SH2D3C: variants seen among roughly 807,000 people sequenced by gnomAD.
The protein encoded by SH2D3C is SH2 domain containing 3C.
A neutral mutation model predicts 75.2 loss-of-function variants in SH2D3C; 25 were observed. The ratio of observed to expected loss-of-function variants is 0.33; its 90% CI spans 0.24 to 0.46. SH2D3C has a LOEUF of 0.46. SH2D3C is among the 20% of genes least tolerant of loss of function. The pLI, the probability that SH2D3C is intolerant of heterozygous loss-of-function variation, is 1.00. For missense variants in SH2D3C, 933 were observed against 1,165.3 expected, an observed-to-expected ratio of 0.80 and a Z score of 2.90; for synonymous variants, 450 against 473.7, an observed-to-expected ratio of 0.95 and a Z score of 0.65.
chr9:127,768,998 T>A (rs1845685966), intron 2 of SH2D3C, among the ~76,000 whole-genome samples: 1 of 152,206 alleles, frequency 6.6e-6, no homozygotes, highest in South Asian at 2.1e-4. Flanking sequence ...CACCAGCCAC[T>A]CCCCACTTTC....
chr9:127,769,191 G>A (rs754189460), intron 2 of SH2D3C, among the ~76,000 whole-genome samples: 18 of 152,280 alleles, frequency 1.2e-4, no homozygotes, highest in Non-Finnish European at 2.2e-4. Context: ...CAGTGTCTGA[G>A]GCATAGCTGT....
chr9:127,738,667 TTGGG>T lies in SH2D3C; in HGVS notation c.*75_*78del. On this transcript the variant is annotated 3_prime_UTR_variant, in exon 12 of 12. Coordinates refer to ENST00000314830, the MANE Select transcript of SH2D3C (RefSeq NM_170600.3). This position sits in a 1 kb window ranked among gnomAD's most constrained non-coding sequence, Gnocchi z 5.0. ...CATTCTCGGGTTGATCACAGTGTCC[TTGGG>T]GTGCTCTGGGGAAAGTTGTGTGCCC... 1 of 1,417,442 alleles carries T rather than the reference TTGGG, an allele frequency of 7.1e-7. No homozygotes were observed. Among genetic ancestry groups the T allele is most frequent in the Non-Finnish European group, 9.4e-7 (1 of 1,058,524 alleles). 87.8% of individuals were successfully genotyped at this position (1,417,442 alleles called of 1,614,324 possible).
chr9:127,772,229 G>A (rs1375506226), intron 2 of SH2D3C, among the ~76,000 whole-genome samples: 1 of 147,862 alleles, frequency 6.8e-6, no homozygotes, highest in Non-Finnish European at 1.5e-5. Context: ...AATTACTTTT[G>A]CTCAGGTGGC....
Position 127,745,635 on chromosome 9 carries a change from C to T in SH2D3C, c.1265-536G>A, listed in dbSNP as rs368589559. ...TACAGTCATGTGCCACAACGCCTGG[C>T]TAACTTTTTTTTGAGTCAGAGTCTC... On this transcript the variant is annotated intron_variant, in intron 6 of 11. Transcript: ENST00000314830. Among the ~76,000 whole-genome samples the T allele has an allele frequency of 7.9e-5, 12 of 151,304 alleles. 1 individual carries two copies. In the East Asian group the frequency reaches 1.6e-3, roughly 20 times the overall value.
intron 3 of SH2D3C, among the ~76,000 whole-genome samples, chr9:127,757,439 T>G (rs1292210950): frequency 1.3e-5 from 2 of 151,192 alleles, no homozygotes; most frequent in African/African-American, 4.9e-5. Flanking sequence ...CTCAGCTATT[T>G]TTTTTTTTCA....
intron 3 of SH2D3C, chr9:127,755,241 G>A: frequency 9.5e-7 from 1 of 1,048,944 alleles, no homozygotes; most frequent in African/African-American, 1.7e-5. Context: ...AACCGGCTAG[G>A]CACCGGCTGC....
rs1312613057 is a variant in SH2D3C at position 127,747,223 on chromosome 9, G to T, written c.1188C>A (p.Ser396Arg). The T allele has an allele frequency of 6.2e-7, 1 of 1,613,886 alleles. No homozygotes were observed. The highest frequency in any genetic ancestry group is 8.5e-7 in the Non-Finnish European group (1 of 1,179,972). ...PRDSIRSCAL[S>R]MDQIPDLHSP... The stretch of plus-strand genomic sequence containing the variant: ...AGTGCAGGTCTGGGATCTGGTCCAT[G>T]CTGAGGGCACAGCTGCGGATGGAGT... The change falls in exon 6 of 12, where the codon AGC becomes AGA. Residue 396 changes from serine (S) to arginine (R), a missense_variant. By Grantham distance (110) the Ser-to-Arg change is moderately radical (BLOSUM62 -1). Coordinates refer to ENST00000314830, the MANE Select transcript of SH2D3C (RefSeq NM_170600.3).
rs775213847 is a variant in SH2D3C, at chr9:127,768,306, G to C, written c.515+5684C>G. ...ACATTCCAAAAGGAAATGGAGTGGT[G>C]GGGGGAGTATCCTGGCCTGTTTTCA... On this transcript the variant is annotated intron_variant, in intron 2 of 11. Coordinates refer to ENST00000314830, the MANE Select transcript of SH2D3C (RefSeq NM_170600.3). Among the ~76,000 whole-genome samples the C allele has an allele frequency of 6.6e-5, 10 of 152,112 alleles. 1 individual carries two copies. The highest frequency in any genetic ancestry group is 1.4e-4 in the African/African-American group (6 of 41,406).
At position 127,774,220 on chromosome 9, in the gene SH2D3C, C is replaced by A. The variant is rs1231392466; in HGVS notation, c.285G>T (p.Arg95=). The A allele has an allele frequency of 6.2e-7, 1 of 1,613,896 alleles. No homozygotes were observed. ...IKKAQNSQAA[R]QAQEAGPKPN... ...GCTTGGGACCCGCCTCCTGGGCCTG[C>A]CGGGCAGCCTGTGAGTTCTGTGCTT... Residue 95 remains arginine (R), a synonymous_variant, in exon 2 of 12, where the codon CGG becomes CGT. Coordinates refer to ENST00000314830, the MANE Select transcript of SH2D3C (RefSeq NM_170600.3). This position sits in a 1 kb window ranked among gnomAD's most constrained non-coding sequence, Gnocchi z 4.3.
chr9:127,759,708 G>T (rs1411811769), intron 3 of SH2D3C, among the ~76,000 whole-genome samples: 2 of 151,872 alleles, frequency 1.3e-5, no homozygotes, highest in African/African-American at 4.8e-5. Flanking sequence ...TTTTGGCCGG[G>T]CGTGGTGGCT....
At chr9:127,747,336 ACCCC>A in intron 5 of SH2D3C, 65 bp from the exon 6 acceptor site, 1 of 1,504,734 alleles carries the variant, frequency 6.6e-7, no homozygotes, top group Non-Finnish European at 9.0e-7. Context: ...TGCCTCTGGG[ACCCC>A]CCACCTCTGC....
chr9:127,774,405 G>T lies in SH2D3C; in HGVS notation c.100C>A (p.Arg34=), dbSNP rs370538234. ...SNLPRSFTLR[R]SSASISRQSH... ...TGCCTACTGATGGAAGCTGAGGATC[G>T]TCTCAGAGTGAAGGACCGAGGGAGG... The change falls in exon 2 of 12, where the codon CGA becomes AGA. Residue 34 remains arginine, a synonymous_variant. Coordinates refer to ENST00000314830, the MANE Select transcript of SH2D3C (RefSeq NM_170600.3). This position sits in a 1 kb window ranked among gnomAD's most constrained non-coding sequence, Gnocchi z 4.3. The T allele has an allele frequency of 6.2e-7, 1 of 1,613,528 alleles. No homozygotes were observed. Among genetic ancestry groups the T allele is most frequent in the African/African-American group, 1.3e-5 (1 of 75,032 alleles).
chr9:127,744,466 C>T (rs1844962303), intron 7 of SH2D3C, 98 bp downstream of exon 7: 1 of 1,434,770 alleles, frequency 7.0e-7, no homozygotes, highest in African/African-American at 1.4e-5. Flanking sequence ...AATCCAGGCC[C>T]ACCTGCTGTA....
At chr9:127,746,695 T>C (rs1845041340) in intron 6 of SH2D3C, among the ~76,000 whole-genome samples, 1 of 152,174 alleles carries the variant, frequency 6.6e-6, no homozygotes, top group South Asian at 2.1e-4. Flanking sequence ...CCCAGCACTG[T>C]GGGAGGCCAA....
intron 2 of SH2D3C, 139 bp from the exon 3 acceptor site, chr9:127,761,789 A>G: frequency 1.6e-6 from 1 of 631,700 alleles, no homozygotes; most frequent in Admixed American, 2.9e-5. Context: ...GGGGGCACTT[A>G]TCAGCTGGCC....
chr9:127,778,494 A>C, intron 1 of SH2D3C, 97 bp downstream of exon 1: 1 of 1,003,208 alleles, frequency 1.0e-6, no homozygotes, highest in Non-Finnish European at 1.6e-6. Context: ...GAGAGAGAGA[A>C]AAACAGAAAT....
At position 127,740,361 on chromosome 9, in the gene SH2D3C, C is replaced by A; in HGVS notation, c.2097G>T (p.Arg699=). The change falls in exon 10 of 12, where the codon CGG becomes CGT. Residue 699 remains arginine, a synonymous_variant. Transcript: ENST00000314830. ...GCAGGGTCACCCATGTCTGCTCCAG[C>A]CGAGAAATCTGGGGAGGCCAAACTG... ...MGALDMAQIS[R]LEQTWVTLRQ... is the part of the protein sequence containing the mutation. The A allele has an allele frequency of 6.2e-7, 1 of 1,614,012 alleles. No homozygotes were observed. Among genetic ancestry groups the A allele is most frequent in the African/African-American group, 1.3e-5 (1 of 75,052 alleles).
Position 127,774,513 on chromosome 9 carries a change from C to T in SH2D3C, c.38-46G>A, listed in dbSNP as rs1588527947. The T allele has an allele frequency of 3.1e-6, 3 of 965,450 alleles. No individual in the cohort carries two copies. Among genetic ancestry groups the T allele is most frequent in the East Asian group, 4.8e-5 (2 of 41,436 alleles). 59.8% of individuals were successfully genotyped at this position (965,450 alleles called of 1,614,324 possible). A position where few individuals can be genotyped will look rare whatever the true frequency, so the allele number is the denominator to read the frequency against. On this transcript the variant is annotated intron_variant, in intron 1 of 11. Transcript: ENST00000314830. This position sits in a 1 kb window ranked among gnomAD's most constrained non-coding sequence, Gnocchi z 4.3. ...GAAAAGAAGTTAATGACAATGTCAA[C>T]ATCAGTGATAATAATGAACAATTCC...
chr9:127,740,188 T>C (rs935937425), intron 10 of SH2D3C, 70 bp downstream of exon 10: 4 of 1,278,126 alleles, frequency 3.1e-6, no homozygotes, highest in Non-Finnish European at 4.5e-6. Context: ...GTCATCACTG[T>C]CCATGCTGGG....
Sources: gnomAD v4.1 joint callset for allele counts (sites outside exome capture counted in the v4.1 genomes callset) on GRCh38, gnomAD v4.1.1 for gene constraint, Gnocchi (gnomAD v3.1) non-coding constraint, MANE v1.5 for transcripts, NCBI Gene and HGNC (gene_info 2026-07-23, HGNC 2026-07-21) for gene names.